Variants in IGSF10 observed in about 807,000 individuals in gnomAD.
IGSF10 encodes calvaria mechanical force protein 608.
IGSF10 carries 126 observed loss-of-function variants against 128.2 expected under a neutral mutation model. The observed-to-expected ratio is 0.98, with a 90% confidence interval of 0.85 to 1.14. The LOEUF is 1.14. Ranked by LOEUF, IGSF10 falls within the 50% of genes most tolerant of loss-of-function variation. The pLI is 0.00. For synonymous variants in IGSF10, 1,185 were observed against 1,146.2 expected (o/e 1.03, Z -0.68); for missense variants, 3,295 against 3,149.8 (o/e 1.05, Z -1.10).
At chr3:151,432,892 C>T, downstream of IGSF10, 2 of 963,904 alleles carry the variant, frequency 2.1e-6, no homozygotes. Context: ...TAAAAATGTC[C>T]CTTTTTTTCA....
At chr3:151,511,799 G>A in the IGSF10 span, among the ~76,000 whole-genome samples, 32 of 152,210 alleles carry the variant, frequency 2.1e-4, no homozygotes, top group African/African-American at 7.2e-4. Flanking sequence ...ACAAAAAAAA[G>A]GAGAAGTTGT....
the IGSF10 span, among the ~76,000 whole-genome samples, chr3:151,590,974 T>C: frequency 3.0e-4 from 46 of 152,056 alleles, no homozygotes; most frequent in East Asian, 4.3e-3. Flanking sequence ...ATTAGGAAAG[T>C]TGATCTGGTA....
the IGSF10 span, among the ~76,000 whole-genome samples, chr3:151,612,915 C>A: frequency 6.6e-6 from 1 of 152,124 alleles, no homozygotes. Context: ...CTATCATCTG[C>A]TTTTATACTG....
chr3:151,548,137 AAAG>A, the IGSF10 span, among the ~76,000 whole-genome samples: 13 of 152,150 alleles, frequency 8.5e-5, no homozygotes, highest in Admixed American at 7.9e-4. Context: ...GGCTAGTTTA[AAAG>A]AAGCAGTATG....
At chr3:151,619,540 G>A in the IGSF10 span, among the ~76,000 whole-genome samples, 1 of 151,480 alleles carries the variant, frequency 6.6e-6, no homozygotes, top group African/African-American at 2.4e-5. Flanking sequence ...AGACAGTTGA[G>A]AATTTATATT....
chr3:151,534,138 A>AT, the IGSF10 span, among the ~76,000 whole-genome samples: 4 of 117,856 alleles, frequency 3.4e-5, no homozygotes, highest in East Asian at 1.1e-3. Context: ...AATGGCAATC[A>AT]TTAAAAAGTC....
At chr3:151,565,338 A>G in the IGSF10 span, among the ~76,000 whole-genome samples, 1 of 152,310 alleles carries the variant, frequency 6.6e-6, no homozygotes, top group South Asian at 2.1e-4. Context: ...TGTAAAAATC[A>G]TAATATAAAA....
the IGSF10 span, among the ~76,000 whole-genome samples, chr3:151,510,738 A>T: frequency 2.0e-5 from 3 of 152,200 alleles, no homozygotes; most frequent in African/African-American, 7.2e-5. Flanking sequence ...TGAATGGCTA[A>T]CTAGAATAAC....
At chr3:151,602,358 C>T in the IGSF10 span, among the ~76,000 whole-genome samples, 1 of 152,204 alleles carries the variant, frequency 6.6e-6, no homozygotes, top group Admixed American at 6.5e-5. Flanking sequence ...TATTTGATTT[C>T]CTGTGCTCAA....
chr3:151,449,411 A>G, intron 5 of IGSF10, 146 bp from the exon 6 acceptor site: 1 of 776,428 alleles, frequency 1.3e-6, no homozygotes, highest in South Asian at 2.1e-5. Flanking sequence ...TTGCTTCTGA[A>G]TTTGATTTTT....
the IGSF10 span, among the ~76,000 whole-genome samples, chr3:151,526,429 A>T: frequency 7.2e-5 from 11 of 152,062 alleles, no homozygotes; most frequent in Non-Finnish European, 1.3e-4. Context: ...AAGACTTGGT[A>T]TAATGAAAAA....
downstream of IGSF10, chr3:151,434,254 G>A (rs1364960467): frequency 1.3e-5 from 2 of 152,080 alleles, no homozygotes; most frequent in Non-Finnish European, 2.9e-5. Context: ...TACAACTTTA[G>A]TAGACATTTT....
Position 151,445,300 on chromosome 3 carries a change from G to T in IGSF10, c.4681C>A (p.Gln1561Lys). The T allele has an allele frequency of 6.2e-7, 1 of 1,614,198 alleles. No individual in the cohort carries two copies. The highest frequency in any genetic ancestry group is 1.3e-5 in the African/African-American group (1 of 75,052). The change falls in exon 6 of 8, where the codon CAG (glutamine) becomes AAG (lysine). Residue 1561 changes from glutamine (Q) to lysine (K), a missense_variant. By Grantham distance (53) the Gln-to-Lys change is moderately conservative (BLOSUM62 1). Coordinates refer to ENST00000282466, the MANE Select transcript of IGSF10 (RefSeq NM_178822.5). Reference protein sequence around the residue: ...PMPALTTVKSQNSKLTPSPWA... With the variant: ...PMPALTTVKSKNSKLTPSPWA... ...GGAGATGGAGTTAATTTAGAATTCT[G>T]TGATTTAACTGTTGTTAGTGCTGGC...
chr3:151,510,014 A>G, the IGSF10 span, among the ~76,000 whole-genome samples: 1 of 152,220 alleles, frequency 6.6e-6, no homozygotes, highest in Non-Finnish European at 1.5e-5. Context: ...CAGCTCAAGG[A>G]GGCCTGCCTG....
chr3:151,603,944 G>A, the IGSF10 span, among the ~76,000 whole-genome samples: 1 of 152,172 alleles, frequency 6.6e-6, no homozygotes, highest in East Asian at 1.9e-4. Context: ...TGGCCTGCGA[G>A]CTCTCTGAGC....
At chr3:151,559,191 C>G in the IGSF10 span, among the ~76,000 whole-genome samples, 2 of 152,072 alleles carry the variant, frequency 1.3e-5, no homozygotes, top group Admixed American at 6.6e-5. Flanking sequence ...AACAATGAAG[C>G]CTCTCAACAG....
chr3:151,461,129 C>A (rs1480750111), upstream of IGSF10: 7 of 985,092 alleles, frequency 7.1e-6, no homozygotes, highest in East Asian at 7.9e-4. Flanking sequence ...GGCTCAGCAG[C>A]ACAAGGATGA....
the IGSF10 span, among the ~76,000 whole-genome samples, chr3:151,519,773 A>G: frequency 1.3e-5 from 2 of 151,860 alleles, no homozygotes; most frequent in African/African-American, 2.4e-5. Context: ...TGAATGATAA[A>G]GAGCCACTGT....
At chr3:151,577,777 A>G in the IGSF10 span, among the ~76,000 whole-genome samples, 1 of 152,186 alleles carries the variant, frequency 6.6e-6, no homozygotes, top group Admixed American at 6.6e-5. Flanking sequence ...TGAGTTAATA[A>G]GGGCAACAAA....
Sources: gnomAD v4.1 joint callset for allele counts (sites outside exome capture counted in the v4.1 genomes callset) on GRCh38, gnomAD v4.1.1 for gene constraint, MANE v1.5 for transcripts, NCBI Gene and HGNC (gene_info 2026-07-23, HGNC 2026-07-21) for gene names.